LINGO2: variants seen among roughly 807,000 people sequenced by gnomAD.
The protein encoded by LINGO2 is leucine-rich repeat and immunoglobulin-like domain-containing nogo receptor-interacting protein 2.
A neutral mutation model predicts 30.6 loss-of-function variants in LINGO2; 14 were observed. That is an observed-to-expected ratio of 0.46 (90% confidence interval 0.30 to 0.72). The LOEUF is 0.72. Ranked by LOEUF, LINGO2 falls within the 30% of genes least tolerant of loss-of-function variation. The pLI is 0.07. For missense variants in LINGO2, 729 were observed against 751.7 expected, an observed-to-expected ratio of 0.97 and a Z score of 0.35; for synonymous variants, 317 against 288.5, an observed-to-expected ratio of 1.10 and a Z score of -1.00.
intron 3 of LINGO2, among the ~76,000 whole-genome samples, chr9:28,325,376 T>G (rs145194102): frequency 5.3e-5 from 8 of 152,238 alleles, no homozygotes; most frequent in Admixed American, 2.0e-4. Context: ...TATCTCCTAG[T>G]CTCTGTAGAA....
rs542232447 is a variant in LINGO2, at chr9:28,143,991, C to T, written c.-86-131586G>A. On this transcript the variant is annotated intron_variant, in intron 4 of 5. Transcript: ENST00000379992. Reference sequence around the variant, plus strand: ...GCATAAACTACTTGTGCAGGAGCACCGAGAGTCCTTTTTGGAATAAGGTTA... The same window carrying T: ...GCATAAACTACTTGTGCAGGAGCACTGAGAGTCCTTTTTGGAATAAGGTTA... 1.3e-3 allele frequency among the ~76,000 whole-genome samples: 191 copies of T among 151,866 alleles called. 1 individual carries two copies. In the Middle Eastern group the frequency reaches 0.017, roughly 14 times the overall value.
In LINGO2 at chr9:28,209,601, T is replaced by A. The variant is rs548081797; in HGVS notation, c.-87+85607A>T. ...AGTAATAGTTTAATTTAATAAACGTTTTTGAATTCTAAGTCAATGTTAAGG... is the reference window on the plus strand; with the variant it reads ...AGTAATAGTTTAATTTAATAAACGTATTTGAATTCTAAGTCAATGTTAAGG... On this transcript the variant is annotated intron_variant, in intron 4 of 5. Transcript: ENST00000379992. Among the ~76,000 whole-genome samples, 4 of 152,026 alleles carry A rather than the reference T, an allele frequency of 2.6e-5. No individual in the cohort carries two copies. In the South Asian group the frequency reaches 8.3e-4, roughly 32 times the overall value.
At chr9:28,802,746 G>A in the LINGO2 span, among the ~76,000 whole-genome samples, 1 of 152,000 alleles carries the variant, frequency 6.6e-6, no homozygotes, top group Non-Finnish European at 1.5e-5. Context: ...CAGTGTCCAA[G>A]GCATATCTGT....
At chr9:29,182,934 T>C in the LINGO2 span, among the ~76,000 whole-genome samples, 1 of 152,124 alleles carries the variant, frequency 6.6e-6, no homozygotes, top group Non-Finnish European at 1.5e-5. Flanking sequence ...CTAGAGCTAT[T>C]CATATCTCAA....
chr9:28,869,279 A>G, the LINGO2 span, among the ~76,000 whole-genome samples: 1 of 152,064 alleles, frequency 6.6e-6, no homozygotes, highest in African/African-American at 2.4e-5. Flanking sequence ...AAATATTTCC[A>G]GTACAGCCAT....
At chr9:28,587,903 T>G (rs1198040097) in intron 1 of LINGO2, among the ~76,000 whole-genome samples, 3 of 151,960 alleles carry the variant, frequency 2.0e-5, no homozygotes, top group African/African-American at 7.2e-5. Flanking sequence ...CCGTTTTGCA[T>G]TTTTGAAAAT....
At chr9:28,282,871 T>C (rs1451386512) in intron 4 of LINGO2, among the ~76,000 whole-genome samples, 4 of 152,192 alleles carry the variant, frequency 2.6e-5, no homozygotes, top group African/African-American at 9.6e-5. Flanking sequence ...CATAGCAATA[T>C]ATATCATTTC....
intron 4 of LINGO2, among the ~76,000 whole-genome samples, chr9:28,266,127 A>C (rs1822742067): frequency 6.6e-6 from 1 of 151,994 alleles, no homozygotes; most frequent in Admixed American, 6.6e-5. Context: ...CATCATTTCA[A>C]GATGCTTCCG....
rs536904473 is a variant in LINGO2 at position 28,077,199 on chromosome 9, C to T, written c.-86-64794G>A. On this transcript the variant is annotated intron_variant, in intron 4 of 5. Coordinates refer to ENST00000379992, the Ensembl canonical transcript of LINGO2. Reference sequence around the variant, plus strand: ...AAGAAAACTGACAGTCAATGGACCACCAAGATGTGTTTCCACTAAATGGTA... The same window carrying T: ...AAGAAAACTGACAGTCAATGGACCATCAAGATGTGTTTCCACTAAATGGTA... Among the ~76,000 whole-genome samples, 3 of 152,084 alleles carry T rather than the reference C, an allele frequency of 2.0e-5. No individual in the cohort carries two copies. In the East Asian group the frequency reaches 5.8e-4, roughly 29 times the overall value.
chr9:28,370,919 C>G (rs891757423), intron 3 of LINGO2, among the ~76,000 whole-genome samples: 1 of 152,096 alleles, frequency 6.6e-6, no homozygotes, highest in African/African-American at 2.4e-5. Context: ...ATTTTTCAAT[C>G]TAAAAATCTG....
chr9:28,361,083 T>C (rs756890423), intron 3 of LINGO2, among the ~76,000 whole-genome samples: 1 of 152,058 alleles, frequency 6.6e-6, no homozygotes, highest in African/African-American at 2.4e-5. Flanking sequence ...GGATGTGAAT[T>C]ATCTCTTTGT....
At chr9:28,190,141 T>C (rs778733455) in intron 4 of LINGO2, among the ~76,000 whole-genome samples, 16 of 152,092 alleles carry the variant, frequency 1.1e-4, no homozygotes, top group Admixed American at 5.9e-4. Context: ...CTTAGCTCCA[T>C]AGTAATTCTG....
At chr9:28,015,004 G>A (rs1203113145) in intron 4 of LINGO2, among the ~76,000 whole-genome samples, 1 of 152,076 alleles carries the variant, frequency 6.6e-6, no homozygotes, top group East Asian at 1.9e-4. Flanking sequence ...AAACAAAATA[G>A]TTCCTGAAGT....
At chr9:29,181,405 A>G in the LINGO2 span, among the ~76,000 whole-genome samples, 2 of 152,332 alleles carry the variant, frequency 1.3e-5, no homozygotes, top group African/African-American at 2.4e-5. Flanking sequence ...TCAAAGTATT[A>G]AAACTACTTA....
chr9:28,250,396 C>A (rs1034467496), intron 4 of LINGO2, among the ~76,000 whole-genome samples: 1 of 152,138 alleles, frequency 6.6e-6, no homozygotes, highest in African/African-American at 2.4e-5. Context: ...GGTGAGTTTC[C>A]TTGGTTTTCT....
intron 5 of LINGO2, among the ~76,000 whole-genome samples, chr9:27,970,202 G>A (rs991154450): frequency 6.6e-6 from 1 of 152,060 alleles, no homozygotes; most frequent in East Asian, 1.9e-4. Context: ...TAGTAATGCT[G>A]GGCAGCGGTG....
At chr9:28,111,151 T>A (rs555806689) in intron 4 of LINGO2, among the ~76,000 whole-genome samples, 139 of 151,870 alleles carry the variant, frequency 9.2e-4, no homozygotes, top group African/African-American at 3.1e-3. Context: ...AAACCAAACA[T>A]CACATGTTCT....
At chr9:28,834,290 G>A in the LINGO2 span, among the ~76,000 whole-genome samples, 2 of 152,054 alleles carry the variant, frequency 1.3e-5, no homozygotes, top group East Asian at 1.9e-4. Flanking sequence ...TATTACATTT[G>A]TAATACTTAA....
chr9:27,976,045 C>A (rs1035450441), intron 5 of LINGO2, among the ~76,000 whole-genome samples: 19 of 152,194 alleles, frequency 1.2e-4, no homozygotes, highest in Admixed American at 1.0e-3. Flanking sequence ...CTAGCACTTA[C>A]CACCTGAATG....
Sources: allele counts gnomAD v4.1 joint callset (sites outside exome capture counted in the v4.1 genomes callset), GRCh38; gene constraint gnomAD v4.1.1; transcripts MANE v1.5; gene names NCBI Gene and HGNC (gene_info 2026-07-23, HGNC 2026-07-21).